TTC28: variants seen among roughly 807,000 people sequenced by gnomAD.
TTC28 encodes tetratricopeptide repeat domain 28, also known as tetratricopeptide repeat protein 28.
In TTC28, 61 loss-of-function variants were observed where a neutral mutation model predicts 198.0. The observed-to-expected ratio is 0.31, with a 90% confidence interval of 0.25 to 0.38. TTC28 has a LOEUF of 0.38. Among genes scored for constraint, TTC28 ranks in the 10% least tolerant of loss-of-function variants. The pLI is 1.00. For synonymous variants in TTC28, 1,171 were observed against 1,297.8 expected (o/e 0.90, Z 2.10); for missense variants, 2,678 against 3,164.0 (o/e 0.85, Z 3.69).
chr22:28,496,234 T>C (rs1439484639), intron 2 of TTC28, among the ~76,000 whole-genome samples: 3 of 152,146 alleles, frequency 2.0e-5, no homozygotes, highest in Non-Finnish European at 1.5e-5. Context: ...TTATTCACTT[T>C]ATATGAATCT....
chr22:28,047,628 C>G (rs572825600), intron 12 of TTC28, among the ~76,000 whole-genome samples: 1 of 152,198 alleles, frequency 6.6e-6, no homozygotes, highest in Non-Finnish European at 1.5e-5. Context: ...GATCCCGTCT[C>G]CCTCTATCCC....
intron 12 of TTC28, among the ~76,000 whole-genome samples, chr22:28,092,564 C>A (rs1941846631): frequency 6.6e-6 from 1 of 152,174 alleles, no homozygotes; most frequent in South Asian, 2.1e-4. Context: ...TTTTGGGTTT[C>A]TATTGCTGGC....
At chr22:28,329,630 G>C (rs1441297168) in intron 2 of TTC28, among the ~76,000 whole-genome samples, 1 of 152,134 alleles carries the variant, frequency 6.6e-6, no homozygotes. Flanking sequence ...ACACTTTAAT[G>C]CTGAAATGTT....
At chr22:28,051,374 A>G (rs1295712204) in intron 12 of TTC28, among the ~76,000 whole-genome samples, 1 of 152,218 alleles carries the variant, frequency 6.6e-6, no homozygotes, top group East Asian at 1.9e-4. Flanking sequence ...TTCTGAGAGG[A>G]TATTCAGAAA....
chr22:28,202,263 G>A (rs1156243075), intron 5 of TTC28, among the ~76,000 whole-genome samples: 3 of 152,214 alleles, frequency 2.0e-5, no homozygotes, highest in Admixed American at 1.3e-4. Context: ...AAGGCCGGGT[G>A]CAGTGGCTCA....
At chr22:28,461,760 C>T (rs2047954016) in intron 2 of TTC28, among the ~76,000 whole-genome samples, 1 of 152,214 alleles carries the variant, frequency 6.6e-6, no homozygotes, top group Non-Finnish European at 1.5e-5. Context: ...CATGATCTGG[C>T]CTATCCTCTC....
intron 5 of TTC28, among the ~76,000 whole-genome samples, chr22:28,281,415 T>C (rs2044580524): frequency 6.6e-6 from 1 of 152,108 alleles, no homozygotes; most frequent in African/African-American, 2.4e-5. Context: ...ATTTTAAATA[T>C]TATATTTTTC....
chr22:28,342,754 C>G (rs2045851234), intron 2 of TTC28, among the ~76,000 whole-genome samples: 1 of 151,708 alleles, frequency 6.6e-6, no homozygotes, highest in Admixed American at 6.6e-5. Flanking sequence ...ACCAAATAAG[C>G]ATATCTACAC....
At chr22:28,371,039 T>G (rs186766841) in intron 2 of TTC28, among the ~76,000 whole-genome samples, 1 of 152,226 alleles carries the variant, frequency 6.6e-6, no homozygotes. Context: ...TCCTACATAC[T>G]AAGTCATGAG....
At chr22:27,984,048 T>A (rs1937119213) in intron 22 of TTC28, among the ~76,000 whole-genome samples, 197 bp from the exon 23 acceptor site, 1 of 152,176 alleles carries the variant, frequency 6.6e-6, no homozygotes, top group African/African-American at 2.4e-5. Flanking sequence ...AAAATCATTC[T>A]AGGAGAGCTC....
intron 2 of TTC28, among the ~76,000 whole-genome samples, chr22:28,349,767 G>A (rs1477858959): frequency 6.6e-6 from 1 of 152,170 alleles, no homozygotes; most frequent in Non-Finnish European, 1.5e-5. Context: ...TTATAATTTT[G>A]TGATTATGTA....
intron 2 of TTC28, among the ~76,000 whole-genome samples, chr22:28,619,717 T>A (rs1025900881): frequency 2.0e-5 from 3 of 152,154 alleles, no homozygotes; most frequent in African/African-American, 7.2e-5. Context: ...CTGAACAGGG[T>A]CTAGTTTGAG....
chr22:28,472,946 T>G (rs1351545520), intron 2 of TTC28, among the ~76,000 whole-genome samples: 2 of 152,198 alleles, frequency 1.3e-5, no homozygotes, highest in Non-Finnish European at 2.9e-5. Context: ...GGAATTAGAA[T>G]GGCTTTAGAC....
At chr22:28,279,915 C>T (rs1375945077) in intron 5 of TTC28, among the ~76,000 whole-genome samples, 2 of 152,190 alleles carry the variant, frequency 1.3e-5, no homozygotes, top group Non-Finnish European at 2.9e-5. Context: ...TTCTTTCACA[C>T]AGTGTAATAT....
intron 2 of TTC28, among the ~76,000 whole-genome samples, chr22:28,581,145 T>G (rs1467271506): frequency 6.6e-6 from 1 of 152,106 alleles, no homozygotes; most frequent in Non-Finnish European, 1.5e-5. Context: ...TCCCCCTTGT[T>G]GTTCTTGTGA....
chr22:28,027,574 G>A (rs1034205182), intron 13 of TTC28, among the ~76,000 whole-genome samples: 12 of 152,352 alleles, frequency 7.9e-5, no homozygotes, highest in African/African-American at 1.9e-4. Flanking sequence ...GAGAGCCCCC[G>A]GAGAGGGAAG....
At chr22:28,032,159 T>G (rs969493526) in intron 12 of TTC28, among the ~76,000 whole-genome samples, 3 of 121,494 alleles carry the variant, frequency 2.5e-5, no homozygotes, top group Non-Finnish European at 5.1e-5. Flanking sequence ...TTATATCTAC[T>G]TAGTGTGTGT....
At chr22:28,116,796 CCCTCTAG>C (rs773379131) in intron 6 of TTC28, among the ~76,000 whole-genome samples, 30 of 152,312 alleles carry the variant, frequency 2.0e-4, no homozygotes, top group Non-Finnish European at 7.3e-5. Context: ...TTCTGAGGGT[CCCTCTAG>C]CCTACAAAGT....
intron 6 of TTC28, 107 bp downstream of exon 6, chr22:28,162,984 AT>A (rs1921401393): frequency 2.1e-5 from 28 of 1,330,700 alleles, no homozygotes; most frequent in Admixed American, 2.8e-5. Flanking sequence ...CAATAAGGAT[AT>A]TCTTTTAAAT....
Sources: allele counts gnomAD v4.1 joint callset (sites outside exome capture counted in the v4.1 genomes callset), GRCh38; gene constraint gnomAD v4.1.1; transcripts MANE v1.5; gene names NCBI Gene and HGNC (gene_info 2026-07-23, HGNC 2026-07-21).